KCNAB1: variants seen among roughly 807,000 people sequenced by gnomAD.
KCNAB1 encodes voltage-gated potassium channel subunit beta-1.
A neutral mutation model predicts 64.6 loss-of-function variants in KCNAB1; 35 were observed. The ratio of observed to expected loss-of-function variants is 0.54; its 90% CI spans 0.41 to 0.72. The LOEUF (loss-of-function observed/expected upper bound fraction) is 0.72. KCNAB1 is among the 30% of genes least tolerant of loss of function. KCNAB1 has a pLI of 0.00. For missense variants in KCNAB1, 401 were observed against 512.9 expected (o/e 0.78, Z 2.11); for synonymous variants, 177 against 183.8 (o/e 0.96, Z 0.30).
At chr3:156,417,309 A>T (rs1364285878) in intron 1 of KCNAB1, among the ~76,000 whole-genome samples, 1 of 152,232 alleles carries the variant, frequency 6.6e-6, no homozygotes, top group East Asian at 1.9e-4. Context: ...GTTCAAATAG[A>T]GTGAGACAGC....
chr3:156,453,497 A>C lies in KCNAB1; in HGVS notation c.357+561A>C, dbSNP rs115592460. Among the ~76,000 whole-genome samples, 1,134 of 152,344 alleles carry C rather than the reference A, an allele frequency of 7.4e-3. 19 individuals carry two copies. Among genetic ancestry groups the C allele is most frequent in the African/African-American group, 0.026 (1,070 of 41,582 alleles). ...AGAATTAACACATCATGCTTATCAGATGTTTATATAGTCCTCTGACTAGTA... is the reference window on the plus strand; with the variant it reads ...AGAATTAACACATCATGCTTATCAGCTGTTTATATAGTCCTCTGACTAGTA... On this transcript the variant is annotated intron_variant, in intron 3 of 13. Coordinates refer to ENST00000490337, the MANE Select transcript of KCNAB1 (RefSeq NM_172160.3).
At position 156,442,954 on chromosome 3, in the gene KCNAB1, G is replaced by A. The variant is rs1419860395; in HGVS notation, c.320-9945G>A. Among the ~76,000 whole-genome samples the A allele has an allele frequency of 2.0e-5, 3 of 152,174 alleles. No individual in the cohort carries two copies. In the East Asian group the frequency reaches 5.8e-4, roughly 29 times the overall value. On this transcript the variant is annotated intron_variant, in intron 2 of 13. Coordinates refer to ENST00000490337, the MANE Select transcript of KCNAB1 (RefSeq NM_172160.3). ...TGGGACTGAGAGAATTTGAGAGCAG[G>A]GAGGTGGCCGAGGAGAGTGAAGGCA...
chr3:156,251,427 G>A lies in KCNAB1; in HGVS notation c.275+130541G>A, dbSNP rs116506645. ...AAAGGACGACAACACCAGGGCTAAGGTTGGTACAGACAAATATATGACAAG... is the reference window on the plus strand; with the variant it reads ...AAAGGACGACAACACCAGGGCTAAGATTGGTACAGACAAATATATGACAAG... On this transcript the variant is annotated intron_variant, in intron 1 of 13. Transcript: ENST00000490337. 7.7e-3 allele frequency among the ~76,000 whole-genome samples: 1,167 copies of A among 152,298 alleles called. 13 individuals are homozygous for A. Among genetic ancestry groups the A allele is most frequent in the African/African-American group, 0.027 (1,115 of 41,554 alleles).
At chr3:156,267,689 T>C (rs1718799311) in intron 1 of KCNAB1, among the ~76,000 whole-genome samples, 1 of 152,186 alleles carries the variant, frequency 6.6e-6, no homozygotes, top group Non-Finnish European at 1.5e-5. Flanking sequence ...TCTCCTATTC[T>C]CTATCTTTGC....
intron 1 of KCNAB1, among the ~76,000 whole-genome samples, chr3:156,261,978 G>GT (rs1010185679): frequency 1.3e-5 from 2 of 151,764 alleles, no homozygotes; most frequent in Non-Finnish European, 3.0e-5. Context: ...TCATTTTGAT[G>GT]TTTTTATGAC....
intron 1 of KCNAB1, among the ~76,000 whole-genome samples, chr3:156,217,688 G>T (rs1420237129): frequency 6.6e-6 from 1 of 152,232 alleles, no homozygotes; most frequent in Non-Finnish European, 1.5e-5. Context: ...GATATAGAAA[G>T]AGTGCTCATT....
At chr3:156,211,207 C>G (rs1022055126) in intron 1 of KCNAB1, among the ~76,000 whole-genome samples, 1 of 152,062 alleles carries the variant, frequency 6.6e-6, no homozygotes, top group African/African-American at 2.4e-5. Flanking sequence ...ATTTTCATAC[C>G]TTATTCTGGG....
Position 156,465,634 on chromosome 3 carries a change from T to C in KCNAB1, c.528-9T>C. ...TCATTCAAAGTTATTTGCTTCTTTT[T>C]CTTGGCAGAGCTGAAACAGAAAGAG... On this transcript the variant is annotated splice_polypyrimidine_tract_variant and intron_variant, in intron 6 of 13. Coordinates refer to ENST00000490337, the MANE Select transcript of KCNAB1 (RefSeq NM_172160.3). The C allele has an allele frequency of 6.2e-7, 1 of 1,612,494 alleles. No homozygotes were observed. The highest frequency in any genetic ancestry group is 1.3e-5 in the African/African-American group (1 of 75,008).
chr3:156,248,983 T>G (rs1043970689), intron 1 of KCNAB1, among the ~76,000 whole-genome samples: 3 of 152,044 alleles, frequency 2.0e-5, no homozygotes, highest in African/African-American at 7.2e-5. Context: ...TACTGGGCAC[T>G]AAGACCTCTT....
At chr3:156,337,161 C>T (rs1209653121) in intron 1 of KCNAB1, among the ~76,000 whole-genome samples, 1 of 152,146 alleles carries the variant, frequency 6.6e-6, no homozygotes, top group Non-Finnish European at 1.5e-5. Flanking sequence ...ACCAATAACT[C>T]CTCCTCTAGA....
intron 2 of KCNAB1, among the ~76,000 whole-genome samples, chr3:156,438,530 C>T (rs1187415244): frequency 2.6e-5 from 4 of 152,150 alleles, no homozygotes; most frequent in Non-Finnish European, 4.4e-5. Flanking sequence ...TCGACTGTGG[C>T]TTTCACTGTG....
intron 1 of KCNAB1, among the ~76,000 whole-genome samples, chr3:156,158,334 C>G (rs1272941175): frequency 1.3e-5 from 2 of 151,916 alleles, no homozygotes; most frequent in Non-Finnish European, 2.9e-5. Context: ...TAGCTCAGAT[C>G]TAAAACCAAA....
intron 2 of KCNAB1, among the ~76,000 whole-genome samples, chr3:156,433,599 G>C (rs951049208): frequency 6.6e-6 from 1 of 152,192 alleles, no homozygotes; most frequent in Non-Finnish European, 1.5e-5. Context: ...GAGAGATAGA[G>C]GTACAAGACA....
At chr3:156,317,216 G>A (rs1241552571) in intron 1 of KCNAB1, among the ~76,000 whole-genome samples, 1 of 152,168 alleles carries the variant, frequency 6.6e-6, no homozygotes, top group African/African-American at 2.4e-5. Flanking sequence ...TACGATTCTA[G>A]ACATATCCAC....
chr3:156,526,782 C>T (rs1718336931), intron 12 of KCNAB1, among the ~76,000 whole-genome samples: 1 of 151,556 alleles, frequency 6.6e-6, no homozygotes. Flanking sequence ...TTACTATCTC[C>T]ACTTATAAAT....
intron 1 of KCNAB1, among the ~76,000 whole-genome samples, chr3:156,358,969 C>T (rs1193610386): frequency 3.3e-5 from 5 of 152,176 alleles, no homozygotes; most frequent in Admixed American, 3.3e-4. Flanking sequence ...ATATTTTAAG[C>T]ACAGCACATC....
rs146529159 is a variant in KCNAB1 at position 156,408,839 on chromosome 3, T to C, written c.276-12777T>C. On this transcript the variant is annotated intron_variant, in intron 1 of 13. Transcript: ENST00000490337. ...GAGTTCAGGTATAGGCAAAATAAAG[T>C]ATGTGTTTATGTTCACCCATTAAGT... Among the ~76,000 whole-genome samples, 952 of 152,004 alleles carry C rather than the reference T, an allele frequency of 6.3e-3. 13 individuals are homozygous for C. Among genetic ancestry groups the C allele is most frequent in the African/African-American group, 0.022 (927 of 41,472 alleles).
chr3:156,182,496 C>T (rs1712880085), intron 1 of KCNAB1, among the ~76,000 whole-genome samples: 1 of 152,044 alleles, frequency 6.6e-6, no homozygotes, highest in African/African-American at 2.4e-5. Flanking sequence ...TAAGTTTATG[C>T]CACTCATCTC....
intron 11 of KCNAB1, among the ~76,000 whole-genome samples, chr3:156,520,360 C>T (rs746909449): frequency 2.6e-5 from 4 of 152,058 alleles, no homozygotes; most frequent in Non-Finnish European, 5.9e-5. Flanking sequence ...GTGGGCAGAT[C>T]GCTTGAGCCC....
Sources: allele counts gnomAD v4.1 joint callset (sites outside exome capture counted in the v4.1 genomes callset), GRCh38; gene constraint gnomAD v4.1.1; transcripts MANE v1.5; gene names NCBI Gene and HGNC (gene_info 2026-07-23, HGNC 2026-07-21).